DOK5: variants seen among roughly 807,000 people sequenced by gnomAD.
DOK5 encodes docking protein 5, also known as downstream of tyrosine kinase 5.
In DOK5, 27 loss-of-function variants were observed where a neutral mutation model predicts 43.3. That is an observed-to-expected ratio of 0.62 (90% confidence interval 0.46 to 0.86). The LOEUF (loss-of-function observed/expected upper bound fraction) is 0.86. Among genes scored for constraint, DOK5 ranks in the 40% least tolerant of loss-of-function variants. The probability of loss-of-function intolerance (pLI) is 0.00; values close to 1 mark genes in which losing one functional copy is unlikely to be tolerated. For synonymous variants in DOK5, 146 were observed against 140.1 expected (o/e 1.04, Z -0.30); for missense variants, 373 against 392.9 (o/e 0.95, Z 0.43).
intron 5 of DOK5, among the ~76,000 whole-genome samples, chr20:54,606,060 G>C (rs2146788251): frequency 6.6e-6 from 1 of 152,266 alleles, no homozygotes; most frequent in South Asian, 2.1e-4. Flanking sequence ...TGTTGCCTTT[G>C]GTAGGTGGAA....
intron 6 of DOK5, among the ~76,000 whole-genome samples, chr20:54,622,599 G>A (rs556864592): frequency 2.6e-5 from 4 of 152,326 alleles, no homozygotes; most frequent in African/African-American, 4.8e-5. Flanking sequence ...CTGACAGATC[G>A]TGGCTTTGTT....
Position 54,650,749 on chromosome 20 carries a change from G to A in DOK5, c.*270G>A, listed in dbSNP as rs777754462. On this transcript the variant is annotated 3_prime_UTR_variant, in exon 8 of 8. Transcript: ENST00000262593. ...CTGGACAGAAAGAAGTCAATGTCAC[G>A]AAATGATTTTCTATTGTAGATACTT... is the stretch of plus-strand genomic sequence containing the variant. 1.3e-4 allele frequency: 44 copies of A among 326,362 alleles called. No homozygotes were observed. The highest frequency in any genetic ancestry group is 1.9e-4 in the Non-Finnish European group (35 of 180,152). The allele number at this position is 326,362 out of a possible 1,614,324, so 20.2% of individuals were successfully genotyped here.
At chr20:54,605,060 C>CAA (rs1986430056) in intron 5 of DOK5, among the ~76,000 whole-genome samples, 1 of 150,000 alleles carries the variant, frequency 6.7e-6, no homozygotes, top group Admixed American at 6.7e-5. Context: ...TACACACACA[C>CAA]ACGTTGAGGT....
intron 2 of DOK5, among the ~76,000 whole-genome samples, chr20:54,572,040 T>G (rs1330171869): frequency 6.6e-6 from 1 of 152,244 alleles, no homozygotes; most frequent in Non-Finnish European, 1.5e-5. Flanking sequence ...ATGGCCTCTC[T>G]GACCTTTTTC....
intron 5 of DOK5, among the ~76,000 whole-genome samples, chr20:54,601,812 C>T (rs925143226): frequency 6.6e-6 from 1 of 152,250 alleles, no homozygotes; most frequent in Non-Finnish European, 1.5e-5. Flanking sequence ...CTGTACTTCA[C>T]TGGAGCTGGA....
chr20:54,564,152 G>A (rs1243620655), intron 2 of DOK5, among the ~76,000 whole-genome samples: 3 of 152,076 alleles, frequency 2.0e-5, no homozygotes, highest in South Asian at 2.1e-4. Context: ...GGCTGGGCAC[G>A]GTGGCTCACG....
chr20:54,618,751 C>T (rs541255192), intron 6 of DOK5, among the ~76,000 whole-genome samples: 30 of 152,020 alleles, frequency 2.0e-4, no homozygotes, highest in Non-Finnish European at 4.0e-4. Flanking sequence ...AGCACAGTGA[C>T]TCATGCCTAT....
chr20:54,648,228 A>G (rs1005525596), intron 7 of DOK5, among the ~76,000 whole-genome samples: 1 of 152,150 alleles, frequency 6.6e-6, no homozygotes, highest in Non-Finnish European at 1.5e-5. Flanking sequence ...TTTATTGAGC[A>G]TCTAGTTTAG....
At chr20:54,514,859 C>T (rs1194715505) in intron 1 of DOK5, among the ~76,000 whole-genome samples, 1 of 151,888 alleles carries the variant, frequency 6.6e-6, no homozygotes, top group Admixed American at 6.6e-5. Flanking sequence ...CTGCCTTCCC[C>T]CATTTCTCCC....
chr20:54,622,657 G>A (rs191782701), intron 6 of DOK5, among the ~76,000 whole-genome samples: 3 of 152,304 alleles, frequency 2.0e-5, no homozygotes, highest in South Asian at 2.1e-4. Flanking sequence ...GGCTCCGTCA[G>A]TAGGCAGTAC....
At chr20:54,484,788 A>G (rs948944164) in intron 1 of DOK5, among the ~76,000 whole-genome samples, 1 of 152,022 alleles carries the variant, frequency 6.6e-6, no homozygotes, top group Admixed American at 6.5e-5. Context: ...CCAAGGCAGA[A>G]GGGCCACTTG....
chr20:54,649,566 C>A (rs2146838583), intron 7 of DOK5, among the ~76,000 whole-genome samples: 1 of 152,050 alleles, frequency 6.6e-6, no homozygotes, highest in East Asian at 1.9e-4. Context: ...AAAGGCTTTG[C>A]GGTGAGTCCT....
At position 54,510,682 on chromosome 20, in the gene DOK5, G is replaced by A. The variant is rs6098039; in HGVS notation, c.66+34670G>A. ...CTGGAATGCAGTTGGCCCAGCCCCC[G>A]CTGCCTTGCTTGAGTTCCCTTACAT... On this transcript the variant is annotated intron_variant, in intron 1 of 7. Coordinates refer to ENST00000262593, the MANE Select transcript of DOK5 (RefSeq NM_018431.5). Among the ~76,000 whole-genome samples, 386 of 152,216 alleles carry A rather than the reference G, an allele frequency of 2.5e-3. 2 individuals are homozygous for A. The highest frequency in any genetic ancestry group is 9.1e-3 in the African/African-American group (376 of 41,530).
intron 1 of DOK5, among the ~76,000 whole-genome samples, chr20:54,524,080 C>T (rs183315492): frequency 2.6e-5 from 4 of 152,132 alleles, no homozygotes; most frequent in African/African-American, 9.7e-5. Context: ...TCACCCTACT[C>T]CATGCATCTC....
chr20:54,481,356 G>A (rs570979371), intron 1 of DOK5, among the ~76,000 whole-genome samples: 1 of 152,200 alleles, frequency 6.6e-6, no homozygotes, highest in South Asian at 2.1e-4. Context: ...TTTTAATAGA[G>A]ACAGGGTTTC....
At chr20:54,595,107 C>A (rs1447254798) in intron 5 of DOK5, among the ~76,000 whole-genome samples, 2 of 151,984 alleles carry the variant, frequency 1.3e-5, no homozygotes, top group Non-Finnish European at 2.9e-5. Flanking sequence ...TTTGGGAGGC[C>A]AAGGCGGGCA....
At chr20:54,558,707 C>T (rs78704746) in intron 2 of DOK5, among the ~76,000 whole-genome samples, 3,028 of 152,198 alleles carry the variant, frequency 0.02, 89 homozygotes, top group African/African-American at 0.069. Flanking sequence ...TTGATCAATA[C>T]GGAGGTGGTG....
chr20:54,559,302 G>A (rs1053347172), intron 2 of DOK5, among the ~76,000 whole-genome samples: 2 of 152,186 alleles, frequency 1.3e-5, no homozygotes, highest in Non-Finnish European at 2.9e-5. Flanking sequence ...GCCGGTCCTG[G>A]ATTTAGGTAG....
chr20:54,480,941 ATC>A (rs1981651021), intron 1 of DOK5, among the ~76,000 whole-genome samples: 1 of 136,144 alleles, frequency 7.3e-6, no homozygotes, highest in Non-Finnish European at 1.6e-5. Flanking sequence ...TCTATCATCT[ATC>A]TATCTATCAT....
Sources: allele counts gnomAD v4.1 joint callset (sites outside exome capture counted in the v4.1 genomes callset), GRCh38; gene constraint gnomAD v4.1.1; transcripts MANE v1.5; gene names NCBI Gene and HGNC (gene_info 2026-07-23, HGNC 2026-07-21).